PIK3IP1: variants seen among roughly 807,000 people sequenced by gnomAD.
The protein encoded by PIK3IP1 is phosphoinositide-3-kinase-interacting protein 1.
In PIK3IP1, 28 loss-of-function variants were observed where a neutral mutation model predicts 30.7. That is an observed-to-expected ratio of 0.91 (90% CI 0.68 to 1.25). The LOEUF (loss-of-function observed/expected upper bound fraction) is 1.25, where lower values mean the gene tolerates loss of function less well. Among genes scored for constraint, PIK3IP1 ranks in the 50% most tolerant of loss-of-function variants. The probability of loss-of-function intolerance (pLI) is 0.00; values close to 1 mark genes in which losing one functional copy is unlikely to be tolerated. For missense variants in PIK3IP1, 333 were observed against 346.2 expected (o/e 0.96, Z 0.30); for synonymous variants, 159 against 140.8 (o/e 1.13, Z -0.91).
intron 5 of PIK3IP1, among the ~76,000 whole-genome samples, chr22:31,288,762 C>A (rs1405322737): frequency 6.6e-6 from 1 of 152,234 alleles, no homozygotes; most frequent in Non-Finnish European, 1.5e-5. Context: ...GAGTGGCAAA[C>A]AGACTTTCTG....
At chr22:31,289,431 C>T in intron 4 of PIK3IP1, 38 bp from the exon 5 acceptor site, 1 of 1,573,774 alleles carries the variant, frequency 6.4e-7, no homozygotes, top group African/African-American at 1.4e-5. Flanking sequence ...TTAGCCACAC[C>T]CTAGACAATC....
At chr22:31,285,990 T>C (rs2049128091) in intron 5 of PIK3IP1, among the ~76,000 whole-genome samples, 3 of 152,070 alleles carry the variant, frequency 2.0e-5, no homozygotes, top group Admixed American at 1.3e-4. Context: ...CTGGCCAACA[T>C]GGTGAAACCC....
chr22:31,286,728 G>A (rs898886112), intron 5 of PIK3IP1, among the ~76,000 whole-genome samples: 1 of 152,226 alleles, frequency 6.6e-6, no homozygotes, highest in African/African-American at 2.4e-5. Flanking sequence ...TCACAGGATT[G>A]CAGGACAGCC....
intron 5 of PIK3IP1, among the ~76,000 whole-genome samples, chr22:31,286,265 T>C (rs898228647): frequency 6.6e-6 from 1 of 152,226 alleles, no homozygotes; most frequent in Non-Finnish European, 1.5e-5. Flanking sequence ...TGGTGTGCTA[T>C]TGTTTCTGTT....
At position 31,291,302 on chromosome 22, in the gene PIK3IP1, A is replaced by T. The variant is rs1188832603; in HGVS notation, c.71-6T>A. ...GCCGTTGTCCCAGAAACAGCCTGTGAGGAAAAGAAGCCCCCGGACACAGAA... is the reference window on the plus strand; with the variant it reads ...GCCGTTGTCCCAGAAACAGCCTGTGTGGAAAAGAAGCCCCCGGACACAGAA... On this transcript the variant is annotated splice_polypyrimidine_tract_variant and splice_region_variant and intron_variant, in intron 1 of 5. Coordinates refer to ENST00000215912, the MANE Select transcript of PIK3IP1 (RefSeq NM_052880.5). The T allele has an allele frequency of 1.3e-6, 2 of 1,556,114 alleles. No homozygotes were observed. The highest frequency in any genetic ancestry group is 1.7e-6 in the Non-Finnish European group (2 of 1,150,416).
Position 31,292,298 on chromosome 22 carries a change from A to C in PIK3IP1, c.47T>G (p.Leu16Arg). The C allele has an allele frequency of 6.2e-7, 1 of 1,614,182 alleles. No individual in the cohort carries two copies. The highest frequency in any genetic ancestry group is 1.1e-5 in the South Asian group (1 of 91,076). The change falls in exon 1 of 6, where the codon CTA becomes CGA. Residue 16 changes from leucine (L) to arginine (R), a missense_variant. By Grantham distance (102) the Leu-to-Arg change is moderately radical. Transcript: ENST00000215912. ...ACCTCCAGATCCATAGGCTTCTGCT[A>C]GGAGCATGTTGCTGACGAGGAATGC... ...VQAFLVSNML[L>R]AEAYGSGGCF... is the part of the protein sequence containing the mutation.
chr22:31,292,252 G>A, intron 1 of PIK3IP1, 23 bp downstream of exon 1: 2 of 1,611,594 alleles, frequency 1.2e-6, no homozygotes, highest in Non-Finnish European at 8.5e-7. Context: ...AGTTGCTGCG[G>A]AAAGGAAAGA....
At chr22:31,283,716 C>T (rs2049108912) in intron 5 of PIK3IP1, among the ~76,000 whole-genome samples, 1 of 151,968 alleles carries the variant, frequency 6.6e-6, no homozygotes, top group African/African-American at 2.4e-5. Context: ...TGAGCCACTG[C>T]ACCTGGCCAG....
In PIK3IP1 at chr22:31,283,015, C is replaced by A; in HGVS notation, c.*69G>T. 8.0e-7 allele frequency: 1 copy of A among 1,257,414 alleles called. No individual in the cohort carries two copies. Among genetic ancestry groups the A allele is most frequent in the Non-Finnish European group, 1.1e-6 (1 of 900,496 alleles). 77.9% of individuals were successfully genotyped at this position (1,257,414 alleles called of 1,614,324 possible). A position where few individuals can be genotyped will look rare whatever the true frequency, so the allele number is the denominator to read the frequency against. On this transcript the variant is annotated 3_prime_UTR_variant, in exon 6 of 6. Transcript: ENST00000215912. ...TTAACCAGAACACAAAGTGGTAGTT[C>A]CTCCTAGCTGTAGGAGGGTGGGCTG...
At chr22:31,289,868 G>A in intron 3 of PIK3IP1, 169 bp from the exon 4 acceptor site, 1 of 648,846 alleles carries the variant, frequency 1.5e-6, no homozygotes, top group Non-Finnish European at 2.6e-6. Flanking sequence ...GCCTGAGAGG[G>A]CTGAACCATC....
At chr22:31,290,919 C>T (rs574670234) in intron 3 of PIK3IP1, 46 bp downstream of exon 3, 6 of 1,530,054 alleles carry the variant, frequency 3.9e-6, no homozygotes, top group African/African-American at 1.5e-5. Flanking sequence ...TCAGCCGCTT[C>T]CTGTCAGCGC....
At chr22:31,289,742 G>T in intron 3 of PIK3IP1, 43 bp from the exon 4 acceptor site, 1 of 1,544,810 alleles carries the variant, frequency 6.5e-7, no homozygotes, top group South Asian at 1.2e-5. Context: ...GGACTGCCCT[G>T]AGTGAATTCC....
At position 31,292,387 on chromosome 22, in the gene PIK3IP1, T is replaced by G. The variant is rs370665497; in HGVS notation, c.-43A>C. 7 of 1,589,970 alleles carry G rather than the reference T, an allele frequency of 4.4e-6. No homozygotes were observed. The highest frequency in any genetic ancestry group is 6.0e-6 in the Non-Finnish European group (7 of 1,158,300). On this transcript the variant is annotated 5_prime_UTR_variant, in exon 1 of 6. Transcript: ENST00000215912. ...TGCAGGTGATTGAACGACCAGTGTT[T>G]AACCGAGGCCCCCTTGGCGGCGGCT...
intron 1 of PIK3IP1, 34 bp from the exon 2 acceptor site, chr22:31,291,330 G>C (rs890811944): frequency 1.3e-6 from 2 of 1,540,464 alleles, no homozygotes; most frequent in African/African-American, 2.7e-5. Context: ...ACACAGAATA[G>C]CGGGCAGCGA....
intron 3 of PIK3IP1, 141 bp downstream of exon 3, chr22:31,290,824 T>G (rs942633627): frequency 7.9e-7 from 1 of 1,265,640 alleles, no homozygotes; most frequent in East Asian, 3.0e-5. Flanking sequence ...CCCCGCGGCC[T>G]GGAGACAGCC....
chr22:31,290,757 A>T, intron 3 of PIK3IP1: 1 of 691,338 alleles, frequency 1.4e-6, no homozygotes, highest in Non-Finnish European at 2.2e-6. Flanking sequence ...AGTTGTTTAC[A>T]AGCGCTCGCG....
At position 31,282,750 on chromosome 22, in the gene PIK3IP1, T is replaced by G; in HGVS notation, c.*334A>C. The G allele has an allele frequency of 3.4e-6, 1 of 292,458 alleles. No individual in the cohort carries two copies. Among genetic ancestry groups the G allele is most frequent in the South Asian group, 5.3e-5 (1 of 18,778 alleles). 18.1% of individuals were successfully genotyped at this position (292,458 alleles called of 1,614,324 possible). On this transcript the variant is annotated 3_prime_UTR_variant, in exon 6 of 6. Coordinates refer to ENST00000215912, the MANE Select transcript of PIK3IP1 (RefSeq NM_052880.5). ...CATCTTAGTAAAGCACAGAGGAGCC[T>G]GGGGGAGCTCCCCGTCTATCCCTGG...
intron 5 of PIK3IP1, among the ~76,000 whole-genome samples, chr22:31,286,161 A>C (rs1184832078): frequency 1.3e-5 from 2 of 152,128 alleles, no homozygotes; most frequent in East Asian, 3.8e-4. Context: ...AAAAATTAAG[A>C]AAAAAAGATA....
At chr22:31,288,038 C>G (rs2049144842) in intron 5 of PIK3IP1, among the ~76,000 whole-genome samples, 1 of 152,112 alleles carries the variant, frequency 6.6e-6, no homozygotes, top group Non-Finnish European at 1.5e-5. Flanking sequence ...AGATGCCCTG[C>G]TGGGTGATCC....
Sources: gnomAD v4.1 joint callset for allele counts (sites outside exome capture counted in the v4.1 genomes callset) on GRCh38, gnomAD v4.1.1 for gene constraint, MANE v1.5 for transcripts, NCBI Gene and HGNC (gene_info 2026-07-23, HGNC 2026-07-21) for gene names.